Variants in RLF observed in about 807,000 individuals in gnomAD.
RLF encodes the protein RLF zinc finger, also known as zinc finger protein Rlf.
Under a neutral mutation model 162.9 loss-of-function variants are expected in RLF, and 7 were observed. That is an observed-to-expected ratio of 0.04 (90% CI 0.02 to 0.08). RLF has a LOEUF of 0.08. Ranked by LOEUF, RLF falls within the 10% of genes least tolerant of loss-of-function variation. RLF has a pLI of 1.00. For missense variants in RLF, 1,664 were observed against 2,244.7 expected (o/e 0.74, Z 5.23); for synonymous variants, 782 against 791.5 (o/e 0.99, Z 0.20).
intron 1 of RLF, among the ~76,000 whole-genome samples, chr1:40,172,750 A>G (rs1642262562): frequency 1.3e-5 from 2 of 152,194 alleles, no homozygotes; most frequent in South Asian, 4.1e-4. Context: ...TGGGCAACAG[A>G]GTGAGATGCC....
intron 6 of RLF, among the ~76,000 whole-genome samples, chr1:40,224,184 T>A (rs1643032554): frequency 6.6e-6 from 1 of 152,136 alleles, no homozygotes; most frequent in Non-Finnish European, 1.5e-5. Flanking sequence ...CAGGAAGAGA[T>A]GAATGGAGAT....
intron 5 of RLF, among the ~76,000 whole-genome samples, chr1:40,205,667 A>G (rs1334397237): frequency 1.3e-5 from 2 of 151,140 alleles, no homozygotes; most frequent in African/African-American, 2.4e-5. Flanking sequence ...TTTTTTTTGT[A>G]TTTTTAGTAG....
chr1:40,176,455 A>T (rs568679359), intron 1 of RLF, among the ~76,000 whole-genome samples: 3 of 152,232 alleles, frequency 2.0e-5, no homozygotes, highest in South Asian at 4.1e-4. Context: ...ATGGCTTTTT[A>T]AAATTTTGAG....
intron 2 of RLF, among the ~76,000 whole-genome samples, chr1:40,190,248 T>C (rs552500843): frequency 3.9e-5 from 6 of 152,368 alleles, no homozygotes; most frequent in Admixed American, 2.0e-4. Context: ...CTTCCTGTTA[T>C]TTCTTTTCTG....
chr1:40,219,394 G>C (rs553554262), intron 5 of RLF, among the ~76,000 whole-genome samples: 72 of 152,120 alleles, frequency 4.7e-4, no homozygotes, highest in Middle Eastern at 3.4e-3. Context: ...CTGTTTTCAA[G>C]GGATTTAGAG....
rs373074955 is a variant in RLF at position 40,189,122 on chromosome 1, G to A, written c.305G>A (p.Arg102Gln). 76 of 1,613,326 alleles carry A rather than the reference G, an allele frequency of 4.7e-5. No individual in the cohort carries two copies. Among genetic ancestry groups the A allele is most frequent in the Middle Eastern group, 3.3e-4 (2 of 6,082 alleles). ...EHIVYLLEVY[R>Q]LAIQSFASAR... The stretch of plus-strand genomic sequence containing the variant: ...ATTGTGTATCTTCTGGAGGTATATC[G>A]ACTTGCCATCCAAAGCTTTGCCAGT... The change falls in exon 2 of 8, where the codon CGA becomes CAA. Residue 102 changes from arginine (R) to glutamine (Q), a missense_variant. By Grantham distance (43) the Arg-to-Gln change is conservative. Around this residue, in one of 15 missense-constraint regions of RLF, gnomAD observed 287 missense variants for 404.9 expected, o/e 0.71. Coordinates refer to ENST00000372771, the MANE Select transcript of RLF (RefSeq NM_012421.4).
chr1:40,171,773 TTG>T (rs1252849461), intron 1 of RLF, among the ~76,000 whole-genome samples: 4 of 152,142 alleles, frequency 2.6e-5, no homozygotes, highest in African/African-American at 7.2e-5. Context: ...CAATTTCTAA[TTG>T]TGCAAACAAC....
At chr1:40,235,326 T>TA (rs770118470) in intron 7 of RLF, among the ~76,000 whole-genome samples, 7 of 152,172 alleles carry the variant, frequency 4.6e-5, no homozygotes, top group Admixed American at 2.0e-4. Context: ...GTGCTGGGAT[T>TA]ACAGGCGTGA....
At chr1:40,205,485 C>CTTTTTT (rs36038824) in intron 5 of RLF, among the ~76,000 whole-genome samples, 8 of 107,054 alleles carry the variant, frequency 7.5e-5, no homozygotes, top group East Asian at 5.6e-4. Context: ...TTCCTTCCTT[C>CTTTTTT]TTTTTTTTTT....
intron 5 of RLF, among the ~76,000 whole-genome samples, chr1:40,220,784 C>T (rs1642981353): frequency 6.6e-6 from 1 of 151,974 alleles, no homozygotes; most frequent in African/African-American, 2.4e-5. Flanking sequence ...TGCTCTTGTC[C>T]TCAAGTTTAT....
intron 1 of RLF, among the ~76,000 whole-genome samples, chr1:40,176,401 A>G (rs1642326404): frequency 6.6e-6 from 1 of 152,152 alleles, no homozygotes; most frequent in East Asian, 1.9e-4. Context: ...TAGCCACTCT[A>G]AAATTGCTGT....
chr1:40,201,067 A>C (rs1047867251), intron 4 of RLF, among the ~76,000 whole-genome samples: 23 of 132 alleles, frequency 0.17, 6 homozygotes, highest in African/African-American at 0.53. Context: ...ACACACACAC[A>C]CACCCCCCCC....
intron 4 of RLF, 125 bp downstream of exon 4, chr1:40,195,889 A>G (rs1557746661): frequency 2.5e-6 from 2 of 792,160 alleles, no homozygotes; most frequent in East Asian, 2.7e-5. Flanking sequence ...TTTGAGTAGT[A>G]AAAATTAACT....
chr1:40,221,894 C>T (rs530246729), intron 5 of RLF, among the ~76,000 whole-genome samples: 3 of 67,686 alleles, frequency 4.4e-5, no homozygotes, highest in Admixed American at 1.3e-4. Flanking sequence ...AGCGAGACTC[C>T]GTCTCAAAAA....
chr1:40,165,113 ATT>A (rs1178570750), intron 1 of RLF, among the ~76,000 whole-genome samples: 1 of 152,206 alleles, frequency 6.6e-6, no homozygotes, highest in Non-Finnish European at 1.5e-5. Context: ...GAAAATATCT[ATT>A]TTTAAAAATG....
chr1:40,185,242 A>G (rs1174975572), intron 1 of RLF, among the ~76,000 whole-genome samples: 1 of 151,518 alleles, frequency 6.6e-6, no homozygotes, highest in African/African-American at 2.4e-5. Flanking sequence ...GCAATTCTCC[A>G]GCCTCAGCCT....
At chr1:40,197,483 C>T (rs536508235) in intron 4 of RLF, among the ~76,000 whole-genome samples, 1 of 152,184 alleles carries the variant, frequency 6.6e-6, no homozygotes. Flanking sequence ...GGCCCAAGCC[C>T]AAGAGGAAAA....
At chr1:40,216,021 T>C (rs1161987533) in intron 5 of RLF, among the ~76,000 whole-genome samples, 1 of 152,024 alleles carries the variant, frequency 6.6e-6, no homozygotes, top group African/African-American at 2.4e-5. Flanking sequence ...AAAATTGATA[T>C]ACTTTCAGTT....
rs187332470 is a variant in RLF, at chr1:40,182,910, A to G, written c.238-6145A>G. ...AGACTTAGGGGGTTTAATTTACTCT[A>G]GCCACTTAACTTTCTGGTTGTAAGC... On this transcript the variant is annotated intron_variant, in intron 1 of 7. Transcript: ENST00000372771. 2.3e-4 allele frequency among the ~76,000 whole-genome samples: 35 copies of G among 152,276 alleles called. No homozygotes were observed. The East Asian group carries it at 6.0e-3, about 26-fold the overall frequency.
Sources: allele counts gnomAD v4.1 joint callset (sites outside exome capture counted in the v4.1 genomes callset), GRCh38; gene constraint gnomAD v4.1.1; regional missense constraint gnomAD v4.1.1; transcripts MANE v1.5; gene names NCBI Gene and HGNC (gene_info 2026-07-23, HGNC 2026-07-21).